WWOX: variants seen among roughly 807,000 people sequenced by gnomAD.
The protein encoded by WWOX is WW domain-containing oxidoreductase.
A neutral mutation model predicts 46.2 loss-of-function variants in WWOX; 69 were observed. The observed-to-expected ratio is 1.49, with a 90% CI of 1.23 to 1.82. WWOX has a LOEUF of 1.82. Ranked by LOEUF, WWOX falls within the 40% of genes most tolerant of loss-of-function variation. The probability of loss-of-function intolerance (pLI) is 0.00; values close to 1 mark genes in which losing one functional copy is unlikely to be tolerated. For missense variants in WWOX, 919 were observed against 542.6 expected (o/e 1.69, Z -6.89); for synonymous variants, 359 against 202.6 (o/e 1.77, Z -6.56).
At chr16:78,360,739 A>G (rs1180949102) in intron 5 of WWOX, among the ~76,000 whole-genome samples, 1 of 150,300 alleles carries the variant, frequency 6.7e-6, no homozygotes, top group African/African-American at 2.4e-5. Context: ...AAATTTCACC[A>G]CTAAAGCAGT....
intron 8 of WWOX, among the ~76,000 whole-genome samples, chr16:79,085,026 A>G (rs1249777483): frequency 6.7e-6 from 1 of 149,602 alleles, no homozygotes; most frequent in Non-Finnish European, 1.5e-5. Flanking sequence ...ACTAGGCTTA[A>G]GCAATCCTCC....
intron 8 of WWOX, among the ~76,000 whole-genome samples, chr16:79,071,767 A>G (rs1242784321): frequency 6.6e-6 from 1 of 152,192 alleles, no homozygotes; most frequent in Non-Finnish European, 1.5e-5. Context: ...CCTAAAAATG[A>G]GTGGCTCTGA....
At chr16:78,874,688 T>TTTTC (rs1246500870) in intron 8 of WWOX, among the ~76,000 whole-genome samples, 8 of 139,382 alleles carry the variant, frequency 5.7e-5, no homozygotes, top group African/African-American at 2.0e-4. Context: ...TTTTTTCTTT[T>TTTTC]TTTTTTTTTT....
chr16:78,235,784 G>A (rs2037417281), intron 5 of WWOX, among the ~76,000 whole-genome samples: 1 of 152,152 alleles, frequency 6.6e-6, no homozygotes, highest in Non-Finnish European at 1.5e-5. Flanking sequence ...AGGTGATTGG[G>A]GGAAGGAAGT....
At chr16:78,535,986 A>T (rs561626564) in intron 8 of WWOX, among the ~76,000 whole-genome samples, 4 of 152,300 alleles carry the variant, frequency 2.6e-5, no homozygotes, top group East Asian at 3.9e-4. Flanking sequence ...GCTTTCAGGC[A>T]AGGTTAGTTT....
intron 4 of WWOX, among the ~76,000 whole-genome samples, chr16:78,148,854 C>T (rs1249179512): frequency 7.8e-6 from 1 of 128,152 alleles, no homozygotes; most frequent in Non-Finnish European, 1.6e-5. Context: ...GCCGAGATTG[C>T]GCCACTGCAC....
chr16:79,165,222 C>T (rs190044556), intron 8 of WWOX, among the ~76,000 whole-genome samples: 2 of 151,986 alleles, frequency 1.3e-5, no homozygotes, highest in Admixed American at 6.5e-5. Context: ...ATGCTAGTGA[C>T]CTCATATACT....
intron 8 of WWOX, among the ~76,000 whole-genome samples, chr16:79,074,037 G>C (rs946790633): frequency 6.6e-6 from 1 of 151,778 alleles, no homozygotes; most frequent in Admixed American, 6.6e-5. Flanking sequence ...AGTTCGAGAA[G>C]CACAGCAATA....
In WWOX at chr16:78,729,683, A is replaced by C. The variant is rs2048921307; in HGVS notation, c.1056+296931A>C. Among the ~76,000 whole-genome samples, 3 of 152,246 alleles carry C rather than the reference A, an allele frequency of 2.0e-5. No individual in the cohort carries two copies. In the East Asian group the frequency reaches 5.8e-4, roughly 30 times the overall value. On this transcript the variant is annotated intron_variant, in intron 8 of 8. Transcript: ENST00000566780. ...CTGGCTTCCGGAACTGCAAAAGAAC[A>C]AGTTTCTGTTGTGTGTAGGCACCCA...
chr16:78,868,989 G>A (rs758590805), intron 8 of WWOX, among the ~76,000 whole-genome samples: 16 of 151,842 alleles, frequency 1.1e-4, no homozygotes, highest in Non-Finnish European at 1.5e-4. Flanking sequence ...ACATGCATGC[G>A]ATCTGTAAAA....
chr16:78,102,470 G>A (rs2031861288), intron 1 of WWOX, among the ~76,000 whole-genome samples: 1 of 152,196 alleles, frequency 6.6e-6, no homozygotes, highest in African/African-American at 2.4e-5. Context: ...AGAATTTCTG[G>A]CTCTGGAGAA....
rs190001393 is a variant in WWOX at position 78,213,174 on chromosome 16, C to T, written c.516+48885C>T. ...ACTGAGGCACAAGGATTGCTTGAAC[C>T]GTGGAGGCAGAGGCTGCAGAGAGCT... On this transcript the variant is annotated intron_variant, in intron 5 of 8. Coordinates refer to ENST00000566780, the MANE Select transcript of WWOX (RefSeq NM_016373.4). Among the ~76,000 whole-genome samples, 6 of 149,026 alleles carry T rather than the reference C, an allele frequency of 4.0e-5. No homozygotes were observed. The East Asian group carries it at 1.2e-3, about 30-fold the overall frequency.
intron 8 of WWOX, among the ~76,000 whole-genome samples, chr16:79,012,137 T>G (rs979399447): frequency 3.9e-5 from 6 of 152,170 alleles, no homozygotes; most frequent in Non-Finnish European, 8.8e-5. Context: ...AATAGAACTT[T>G]CTGCAGTGAT....
chr16:78,769,793 G>T (rs13334149), intron 8 of WWOX, among the ~76,000 whole-genome samples: 2 of 150,912 alleles, frequency 1.3e-5, no homozygotes, highest in Admixed American at 6.6e-5. Context: ...GATCGCCTGA[G>T]TCCAGGAGTT....
At chr16:79,060,413 A>C (rs1169926025) in intron 8 of WWOX, among the ~76,000 whole-genome samples, 2 of 152,242 alleles carry the variant, frequency 1.3e-5, no homozygotes, top group Non-Finnish European at 2.9e-5. Context: ...TGGTATCAGC[A>C]TGGATGCCCG....
intron 5 of WWOX, among the ~76,000 whole-genome samples, chr16:78,211,357 C>T (rs2036553937): frequency 6.6e-6 from 1 of 152,180 alleles, no homozygotes; most frequent in Admixed American, 6.5e-5. Flanking sequence ...CTTTTGTTCA[C>T]TTGTACATCA....
At chr16:79,088,192 G>C (rs2048888211) in intron 8 of WWOX, among the ~76,000 whole-genome samples, 1 of 152,170 alleles carries the variant, frequency 6.6e-6, no homozygotes, top group Admixed American at 6.5e-5. Context: ...GCTTGAACTA[G>C]CTAGGCTCAG....
At chr16:78,785,241 G>C (rs2050426069) in intron 8 of WWOX, among the ~76,000 whole-genome samples, 1 of 152,258 alleles carries the variant, frequency 6.6e-6, no homozygotes, top group African/African-American at 2.4e-5. Flanking sequence ...TAAGGCTGCA[G>C]TAATTCTCTT....
At chr16:78,333,789 G>C (rs555759082) in intron 5 of WWOX, among the ~76,000 whole-genome samples, 1 of 152,120 alleles carries the variant, frequency 6.6e-6, no homozygotes, top group African/African-American at 2.4e-5. Context: ...CTTATTTGGC[G>C]TTTTGTTTTC....
Sources: gnomAD v4.1 joint callset for allele counts (sites outside exome capture counted in the v4.1 genomes callset) on GRCh38, gnomAD v4.1.1 for gene constraint, MANE v1.5 for transcripts, NCBI Gene and HGNC (gene_info 2026-07-23, HGNC 2026-07-21) for gene names.